Variants in ANKH observed in about 807,000 individuals in gnomAD.
ANKH encodes the protein ANKH inorganic pyrophosphate transport regulator, also known as mineralization regulator ANKH.
Under a neutral mutation model 49.0 loss-of-function variants are expected in ANKH, and 15 were observed. The observed-to-expected ratio is 0.31, with a 90% CI of 0.20 to 0.47. The LOEUF is 0.47. Among genes scored for constraint, ANKH ranks in the 20% least tolerant of loss-of-function variants. The pLI is 1.00. For missense variants in ANKH, 429 were observed against 652.0 expected, an observed-to-expected ratio of 0.66 and a Z score of 3.72; for synonymous variants, 273 against 260.0, an observed-to-expected ratio of 1.05 and a Z score of -0.48.
rs568214751 is a variant in ANKH, at chr5:14,855,036, G to A, written c.96+16316C>T. ...GAATGACTGGGCCCTTCCCAGTCCG[G>A]GTTCACTTACCCAACTATCCTCTCC... is the stretch of plus-strand genomic sequence containing the variant. On this transcript the variant is annotated intron_variant, in intron 1 of 11. Transcript: ENST00000284268. 7.2e-5 allele frequency among the ~76,000 whole-genome samples: 11 copies of A among 152,238 alleles called. No individual in the cohort carries two copies. In the South Asian group the frequency reaches 2.3e-3, roughly 32 times the overall value.
intron 8 of ANKH, among the ~76,000 whole-genome samples, chr5:14,739,617 G>A (rs1320035929): frequency 3.9e-5 from 6 of 152,142 alleles, no homozygotes; most frequent in Non-Finnish European, 8.8e-5. Context: ...GGTGGCAAGC[G>A]CCCCAATCTG....
chr5:14,804,553 A>G (rs992495420), intron 1 of ANKH, among the ~76,000 whole-genome samples: 9 of 152,192 alleles, frequency 5.9e-5, no homozygotes, highest in African/African-American at 2.2e-4. Context: ...CTTTACGCTT[A>G]CTTTGTTTCT....
chr5:14,810,094 G>A (rs41014), intron 1 of ANKH, among the ~76,000 whole-genome samples: 5,199 of 151,976 alleles, frequency 0.034, 143 homozygotes, highest in Non-Finnish European at 0.049. Context: ...GAGGGAAGAA[G>A]CAATTTCCAA....
chr5:14,752,715 A>T (rs1460171827), intron 4 of ANKH, among the ~76,000 whole-genome samples: 6 of 152,178 alleles, frequency 3.9e-5, no homozygotes, highest in Admixed American at 3.9e-4. Flanking sequence ...GCTGGTGGGA[A>T]AGAGTGTGTG....
chr5:14,728,523 C>T (rs553524916), intron 8 of ANKH, among the ~76,000 whole-genome samples: 2 of 152,344 alleles, frequency 1.3e-5, no homozygotes, highest in African/African-American at 4.8e-5. Flanking sequence ...GCAGTCTCCA[C>T]CTCACGGCGT....
At chr5:14,752,213 C>A (rs762478146) in intron 4 of ANKH, among the ~76,000 whole-genome samples, 1 of 152,038 alleles carries the variant, frequency 6.6e-6, no homozygotes, top group Admixed American at 6.5e-5. Context: ...TGGTAGCTGA[C>A]GTGGGAGGTT....
At chr5:14,781,643 T>C (rs80044859) in intron 1 of ANKH, among the ~76,000 whole-genome samples, 1 of 152,138 alleles carries the variant, frequency 6.6e-6, no homozygotes, top group African/African-American at 2.4e-5. Context: ...ATTCTCCTGA[T>C]CTCTCATGAA....
chr5:14,803,361 C>A (rs1740618688), intron 1 of ANKH, among the ~76,000 whole-genome samples: 3 of 152,164 alleles, frequency 2.0e-5, no homozygotes, highest in Non-Finnish European at 2.9e-5. Context: ...CTCACCACAA[C>A]CTCCACCTCC....
intron 8 of ANKH, among the ~76,000 whole-genome samples, chr5:14,719,997 G>A (rs1737610498): frequency 6.6e-6 from 1 of 152,010 alleles, no homozygotes; most frequent in South Asian, 2.1e-4. Context: ...ATTCTAAAAT[G>A]AATTAAGAAC....
chr5:14,753,766 G>C (rs1738793954), intron 4 of ANKH, among the ~76,000 whole-genome samples: 1 of 152,012 alleles, frequency 6.6e-6, no homozygotes, highest in South Asian at 2.1e-4. Context: ...TTGTATTATT[G>C]TGTGAAGCCC....
intron 9 of ANKH, among the ~76,000 whole-genome samples, chr5:14,714,159 C>T (rs928886934): frequency 6.6e-6 from 1 of 152,238 alleles, no homozygotes; most frequent in Admixed American, 6.5e-5. Context: ...CCCCACTTCC[C>T]TCTGTTCTTT....
At chr5:14,759,661 G>C (rs1382781464) in intron 2 of ANKH, among the ~76,000 whole-genome samples, 2 of 152,030 alleles carry the variant, frequency 1.3e-5, no homozygotes, top group African/African-American at 4.8e-5. Flanking sequence ...GGAGGTGGAG[G>C]CAGGAGGATT....
chr5:14,716,898 T>A, intron 8 of ANKH, 63 bp from the exon 9 acceptor site: 1 of 1,596,184 alleles, frequency 6.3e-7, no homozygotes, highest in Non-Finnish European at 8.6e-7. Flanking sequence ...AATGAGCAGA[T>A]CAGGTGTGGC....
chr5:14,738,614 T>C (rs1195945128), intron 8 of ANKH, among the ~76,000 whole-genome samples: 1 of 152,070 alleles, frequency 6.6e-6, no homozygotes, highest in African/African-American at 2.4e-5. Context: ...TTCCTGATAT[T>C]ACGAAGTTTC....
intron 1 of ANKH, among the ~76,000 whole-genome samples, chr5:14,812,021 T>C (rs934101506): frequency 1.3e-5 from 2 of 151,838 alleles, no homozygotes; most frequent in African/African-American, 4.8e-5. Context: ...ACTATCATAG[T>C]CCATTCTTCT....
chr5:14,830,016 T>C (rs1311655490), intron 1 of ANKH, among the ~76,000 whole-genome samples: 3 of 152,204 alleles, frequency 2.0e-5, no homozygotes, highest in Non-Finnish European at 2.9e-5. Context: ...GAGTCACTTA[T>C]CTTTTGTCTG....
intron 8 of ANKH, among the ~76,000 whole-genome samples, chr5:14,741,079 T>G (rs1371075527): frequency 6.6e-6 from 1 of 152,250 alleles, no homozygotes; most frequent in African/African-American, 2.4e-5. Flanking sequence ...GAAGGCTGTT[T>G]ATAAACGGTA....
chr5:14,751,271 G>A lies in ANKH; in HGVS notation c.517-32C>T, dbSNP rs1738707249. The A allele has an allele frequency of 1.9e-6, 3 of 1,609,892 alleles. No homozygotes were observed. In the East Asian group the frequency reaches 6.7e-5, roughly 36 times the overall value. On this transcript the variant is annotated intron_variant, in intron 4 of 11. Coordinates refer to ENST00000284268, the MANE Select transcript of ANKH (RefSeq NM_054027.6). ...GAAGGGAGAACGGGAACAGGTCAGA[G>A]GGGAGAAGCGGGAACCGACTGACAG... is the stretch of plus-strand genomic sequence containing the variant.
At chr5:14,792,277 G>C (rs1214282935) in intron 1 of ANKH, among the ~76,000 whole-genome samples, 1 of 152,220 alleles carries the variant, frequency 6.6e-6, no homozygotes, top group Non-Finnish European at 1.5e-5. Context: ...CTGCAAGCTT[G>C]TGAGTGGAGG....
Sources: gnomAD v4.1 joint callset for allele counts (sites outside exome capture counted in the v4.1 genomes callset) on GRCh38, gnomAD v4.1.1 for gene constraint, MANE v1.5 for transcripts, NCBI Gene and HGNC (gene_info 2026-07-23, HGNC 2026-07-21) for gene names.